SVIL: variants seen among roughly 807,000 people sequenced by gnomAD.
SVIL encodes the protein supervillin.
Under a neutral mutation model 240.4 loss-of-function variants are expected in SVIL, and 101 were observed. That is an observed-to-expected ratio of 0.42 (90% CI 0.36 to 0.50). The LOEUF is 0.50. SVIL is among the 20% of genes least tolerant of loss of function. The probability of loss-of-function intolerance (pLI) is 0.01; values close to 1 mark genes in which losing one functional copy is unlikely to be tolerated. For missense variants in SVIL, 2,512 were observed against 2,818.7 expected (o/e 0.89, Z 2.46); for synonymous variants, 999 against 1,100.0 (o/e 0.91, Z 1.82).
intron 1 of SVIL, among the ~76,000 whole-genome samples, chr10:29,584,533 C>A (rs1956081877): frequency 1.3e-5 from 2 of 152,176 alleles, no homozygotes; most frequent in African/African-American, 2.4e-5. Flanking sequence ...ATATAAACTG[C>A]ATGCCTTTTG....
In SVIL at chr10:29,533,280, G is replaced by T; in HGVS notation, c.1087C>A (p.Pro363Thr). Reference protein sequence around the residue: ...PSKAAGSTRQPIRGYVQPADT... With the variant: ...PSKAAGSTRQTIRGYVQPADT... ...GCGGGTTGGACATAGCCACGGATTG[G>T]CTGTCGTGTAGAGCCTGCTGCCTTG... The change falls in exon 8 of 38, where the codon CCA (proline) becomes ACA (threonine). Residue 363 changes from proline to threonine, a missense_variant. Physicochemically the swap from Pro to Thr is conservative, Grantham distance 38. This residue lies in a region of SVIL where 1,443 missense variants were observed against 1,486.6 expected (regional missense o/e 0.97). Coordinates refer to ENST00000355867, the MANE Select transcript of SVIL (RefSeq NM_021738.3). 6.2e-7 allele frequency: 1 copy of T among 1,614,132 alleles called. No homozygotes were observed. Among genetic ancestry groups the T allele is most frequent in the South Asian group, 1.1e-5 (1 of 91,080 alleles).
chr10:29,539,196 T>TAAATAAATAAAC (rs1320762560), intron 6 of SVIL, among the ~76,000 whole-genome samples: 20 of 151,054 alleles, frequency 1.3e-4, no homozygotes, highest in South Asian at 4.2e-4. Flanking sequence ...AATAAATAAA[T>TAAATAAATAAAC]AAACAAACAA....
chr10:29,511,808 C>T (rs554169221), intron 17 of SVIL, among the ~76,000 whole-genome samples: 1 of 152,200 alleles, frequency 6.6e-6, no homozygotes, highest in Non-Finnish European at 1.5e-5. Context: ...AGTGTCAGAA[C>T]TCCTGACTCA....
At chr10:29,473,133 G>A (rs1441702240) in intron 30 of SVIL, among the ~76,000 whole-genome samples, 5 of 151,988 alleles carry the variant, frequency 3.3e-5, no homozygotes. Flanking sequence ...TGGAGGGGAG[G>A]AGCAGGGGGA....
chr10:29,649,119 C>G (rs2133005051), intron 3 of SVIL, among the ~76,000 whole-genome samples: 1 of 152,224 alleles, frequency 6.6e-6, no homozygotes, highest in Non-Finnish European at 1.5e-5. Flanking sequence ...GTGATTACAC[C>G]ACTGCACTCC....
intron 20 of SVIL, among the ~76,000 whole-genome samples, chr10:29,494,013 GA>G (rs919100767): frequency 6.6e-6 from 1 of 151,762 alleles, no homozygotes; most frequent in South Asian, 2.1e-4. Flanking sequence ...TACAAAAACA[GA>G]AAAAAAATTA....
At chr10:29,652,603 T>C (rs1206795137) in intron 3 of SVIL, among the ~76,000 whole-genome samples, 2 of 152,192 alleles carry the variant, frequency 1.3e-5, no homozygotes, top group Non-Finnish European at 2.9e-5. Context: ...AGTGGATATA[T>C]TGGGTTATAA....
chr10:29,552,473 G>C (rs1465090309), intron 5 of SVIL, among the ~76,000 whole-genome samples: 1 of 148,752 alleles, frequency 6.7e-6, no homozygotes, highest in East Asian at 2.0e-4. Flanking sequence ...TGAGGCAGGA[G>C]AATCACTTGA....
In SVIL at chr10:29,458,111, T is replaced by C. The variant is rs1943764437; in HGVS notation, c.*136A>G. ...ACACAACTCCGGGACAAGCAGTATC[T>C]TTAACAATGTCAGGTTCTGAAAACT... On this transcript the variant is annotated 3_prime_UTR_variant, in exon 38 of 38. Transcript: ENST00000355867. The C allele has an allele frequency of 8.2e-6, 7 of 850,084 alleles. No individual in the cohort carries two copies. The East Asian group carries it at 1.8e-4, about 22-fold the overall frequency. 52.7% of individuals were successfully genotyped at this position (850,084 alleles called of 1,614,324 possible).
At chr10:29,581,828 G>T (rs56332000) in intron 1 of SVIL, among the ~76,000 whole-genome samples, 19,040 of 152,218 alleles carry the variant, frequency 0.13, 1,430 homozygotes, top group Non-Finnish European at 0.17. Context: ...ACATAGGTCA[G>T]TTCTGTGTTT....
At chr10:29,731,737 A>T (rs1233660016) in intron 1 of SVIL, among the ~76,000 whole-genome samples, 1 of 152,236 alleles carries the variant, frequency 6.6e-6, no homozygotes, top group Admixed American at 6.5e-5. Context: ...AATAACATTG[A>T]CATAACAGAA....
chr10:29,638,564 C>A (rs1958385149), upstream of SVIL, among the ~76,000 whole-genome samples: 1 of 152,086 alleles, frequency 6.6e-6, no homozygotes, highest in African/African-American at 2.4e-5. Context: ...AAATATAATC[C>A]ATTTGTAAAT....
In SVIL at chr10:29,533,315, C is replaced by T. The variant is rs762633032; in HGVS notation, c.1052G>A (p.Arg351Lys). ...AGAGCCTGCTGCCTTGCTGGGGACC[C>T]TATCAAAGGCTGAGTGCTCAGACTG... ...SFQSEHSAFD[R>K]VPSKAAGSTR... The change falls in exon 8 of 38, where the codon AGG becomes AAG. Residue 351 changes from arginine (R) to lysine (K), a missense_variant. Physicochemically the swap from Arg to Lys is conservative, Grantham distance 26. This residue lies in a region of SVIL where 1,443 missense variants were observed against 1,486.6 expected (regional missense o/e 0.97). Transcript: ENST00000355867. 3 of 1,614,016 alleles carry T rather than the reference C, an allele frequency of 1.9e-6. No individual in the cohort carries two copies. The Admixed American group carries it at 5.0e-5, about 27-fold the overall frequency.
At chr10:29,536,896 A>G (rs1474381284) in intron 6 of SVIL, among the ~76,000 whole-genome samples, 1 of 137,600 alleles carries the variant, frequency 7.3e-6, no homozygotes. Context: ...GGGCGATAAC[A>G]GCACGACTCT....
At chr10:29,502,389 T>C (rs947450630) in intron 17 of SVIL, among the ~76,000 whole-genome samples, 7 of 152,238 alleles carry the variant, frequency 4.6e-5, no homozygotes, top group African/African-American at 1.7e-4. Context: ...TTTTTAAGCT[T>C]AAAACTTCAT....
At position 29,645,521 on chromosome 10, in the gene SVIL, G is replaced by T. The variant is rs150858859; in HGVS notation, c.-201+12448C>A. On this transcript the variant is annotated intron_variant, in intron 3 of 35. Transcript: ENST00000375400. Reference sequence around the variant, plus strand: ...GGAGGTGGAGTTTGCAGTGAGCCGGGATTGTGCCACTGAACTCCAGCCTGG... The same window carrying T: ...GGAGGTGGAGTTTGCAGTGAGCCGGTATTGTGCCACTGAACTCCAGCCTGG... Among the ~76,000 whole-genome samples the T allele has an allele frequency of 3.1e-3, 479 of 152,252 alleles. 2 individuals are homozygous for T. Among genetic ancestry groups the T allele is most frequent in the African/African-American group, 0.011 (453 of 41,524 alleles).
intron 4 of SVIL, 44 bp downstream of exon 4, chr10:29,555,007 C>A: frequency 6.2e-7 from 1 of 1,612,036 alleles, no homozygotes; most frequent in Non-Finnish European, 8.5e-7. Context: ...TACTGCTTTG[C>A]CAAGCTCTCT....
chr10:29,649,669 T>TACAC (rs140706713), intron 3 of SVIL, among the ~76,000 whole-genome samples: 61 of 150,800 alleles, frequency 4.0e-4, no homozygotes, highest in Admixed American at 2.2e-3. Context: ...TGCATGGGCG[T>TACAC]ACACACACAC....
chr10:29,671,125 T>A (rs1959741398), intron 2 of SVIL: 1 of 152,202 alleles, frequency 6.6e-6, no homozygotes, highest in Non-Finnish European at 1.5e-5. Flanking sequence ...AATGTTTCAA[T>A]CCAGCTGGAA....
Sources: gnomAD v4.1 joint callset for allele counts (sites outside exome capture counted in the v4.1 genomes callset) on GRCh38, gnomAD v4.1.1 for gene constraint, gnomAD v4.1.1 regional missense constraint, MANE v1.5 for transcripts, NCBI Gene and HGNC (gene_info 2026-07-23, HGNC 2026-07-21) for gene names.